The following PTPRR variants were observed in gnomAD, a reference collection of about 807,000 sequenced individuals.
The protein encoded by PTPRR is receptor-type tyrosine-protein phosphatase R.
PTPRR carries 38 observed loss-of-function variants against 77.2 expected under a neutral mutation model. That is an observed-to-expected ratio of 0.49 (90% CI 0.38 to 0.65). The LOEUF is 0.65. PTPRR is among the 30% of genes least tolerant of loss of function. The pLI, the probability that PTPRR is intolerant of heterozygous loss-of-function variation, is 0.00. For missense variants in PTPRR, 744 were observed against 799.2 expected, an observed-to-expected ratio of 0.93 and a Z score of 0.83; for synonymous variants, 299 against 283.1, an observed-to-expected ratio of 1.06 and a Z score of -0.57.
intron 5 of PTPRR, among the ~76,000 whole-genome samples, chr12:70,747,971 G>A (rs1324047339): frequency 1.3e-5 from 2 of 152,088 alleles, no homozygotes; most frequent in Admixed American, 1.3e-4. Context: ...AGTGTCTGGA[G>A]GTATTTTTGG....
intron 6 of PTPRR, among the ~76,000 whole-genome samples, chr12:70,717,095 C>T (rs1157488116): frequency 6.6e-6 from 1 of 152,152 alleles, no homozygotes; most frequent in Non-Finnish European, 1.5e-5. Context: ...CTCTAACATA[C>T]TATTCTTCCT....
chr12:70,838,981 T>A (rs1892350355), intron 2 of PTPRR, among the ~76,000 whole-genome samples: 1 of 152,168 alleles, frequency 6.6e-6, no homozygotes, highest in Admixed American at 6.5e-5. Context: ...CAGCTTGCTA[T>A]GGCTATGTAA....
intron 10 of PTPRR, among the ~76,000 whole-genome samples, chr12:70,667,081 G>A (rs1032787250): frequency 4.0e-5 from 6 of 150,406 alleles, no homozygotes; most frequent in Admixed American, 3.3e-4. Flanking sequence ...TCAGCCTCCC[G>A]AGTAGCTGGG....
At chr12:70,856,963 C>A (rs936130315) in intron 2 of PTPRR, among the ~76,000 whole-genome samples, 1 of 151,888 alleles carries the variant, frequency 6.6e-6, no homozygotes, top group Admixed American at 6.6e-5. Flanking sequence ...AAGATGTGGA[C>A]AAATATGTGT....
At chr12:70,807,186 C>T (rs552653971) in intron 2 of PTPRR, among the ~76,000 whole-genome samples, 16 of 152,276 alleles carry the variant, frequency 1.1e-4, no homozygotes, top group African/African-American at 3.8e-4. Context: ...AGCCAGAAGG[C>T]ACATGCAAAG....
intron 10 of PTPRR, chr12:70,672,050 G>T: frequency 7.6e-7 from 1 of 1,317,138 alleles, no homozygotes; most frequent in Non-Finnish European, 1.1e-6. Flanking sequence ...CTTGGGCCCA[G>T]AGATGGAGAA....
chr12:70,726,357 A>G (rs1889435533), intron 6 of PTPRR, among the ~76,000 whole-genome samples: 1 of 152,064 alleles, frequency 6.6e-6, no homozygotes, highest in South Asian at 2.1e-4. Flanking sequence ...CCTGTATTCT[A>G]TATTTATTGC....
intron 6 of PTPRR, among the ~76,000 whole-genome samples, chr12:70,710,508 T>C (rs1888786727): frequency 1.3e-5 from 2 of 151,940 alleles, no homozygotes; most frequent in South Asian, 2.1e-4. Flanking sequence ...CATTTCATGA[T>C]GAAGATGTCA....
At chr12:70,768,212 TAATG>T (rs1473582898) in intron 2 of PTPRR, among the ~76,000 whole-genome samples, 1 of 151,818 alleles carries the variant, frequency 6.6e-6, no homozygotes, top group African/African-American at 2.4e-5. Context: ...TTCAAAAAAT[TAATG>T]AATCCAGGAG....
intron 1 of PTPRR, among the ~76,000 whole-genome samples, chr12:70,912,409 G>T (rs1296144451): frequency 6.6e-6 from 1 of 152,128 alleles, no homozygotes; most frequent in Non-Finnish European, 1.5e-5. Context: ...AGAATCAGTA[G>T]TTTAGGACTG....
chr12:70,792,911 C>T (rs1297958495), intron 2 of PTPRR, among the ~76,000 whole-genome samples: 2 of 152,114 alleles, frequency 1.3e-5, no homozygotes, highest in Non-Finnish European at 2.9e-5. Context: ...TAGCAGAATT[C>T]TTTCCATTTA....
chr12:70,770,146 A>T (rs1280654379), intron 2 of PTPRR, among the ~76,000 whole-genome samples: 20 of 146,530 alleles, frequency 1.4e-4, no homozygotes, highest in African/African-American at 5.2e-4. Flanking sequence ...AACAAAAGAC[A>T]AAATTGACAA....
intron 2 of PTPRR, among the ~76,000 whole-genome samples, chr12:70,795,119 T>C (rs1891488915): frequency 1.3e-5 from 2 of 152,178 alleles, no homozygotes; most frequent in Non-Finnish European, 2.9e-5. Context: ...TTTAAAATCC[T>C]TTTGGGATGC....
chr12:70,722,790 A>G (rs1385862627), intron 6 of PTPRR, among the ~76,000 whole-genome samples: 1 of 152,150 alleles, frequency 6.6e-6, no homozygotes, highest in African/African-American at 2.4e-5. Flanking sequence ...TTCACAGTTC[A>G]TATCTGGAAT....
intron 6 of PTPRR, among the ~76,000 whole-genome samples, chr12:70,743,981 C>A (rs1379638824): frequency 6.6e-6 from 1 of 152,098 alleles, no homozygotes; most frequent in Non-Finnish European, 1.5e-5. Flanking sequence ...TATGACCCTT[C>A]ATTGTTATCT....
At chr12:70,827,862 A>G (rs554159805) in intron 2 of PTPRR, among the ~76,000 whole-genome samples, 1 of 150,820 alleles carries the variant, frequency 6.6e-6, no homozygotes, top group African/African-American at 2.4e-5. Flanking sequence ...CTGGGACTAC[A>G]GGCGCCCACC....
chr12:70,707,547 ATTGAGT>A (rs1405795118), intron 6 of PTPRR, among the ~76,000 whole-genome samples: 2 of 152,102 alleles, frequency 1.3e-5, no homozygotes, highest in Non-Finnish European at 2.9e-5. Flanking sequence ...ATTTTTGGAC[ATTGAGT>A]CATTTTCAAT....
At chr12:70,835,490 T>A in intron 2 of PTPRR, among the ~76,000 whole-genome samples, 1 of 152,138 alleles carries the variant, frequency 6.6e-6, no homozygotes, top group Admixed American at 6.6e-5. Context: ...ACCTATTAAG[T>A]ACATAGAAAG....
intron 6 of PTPRR, among the ~76,000 whole-genome samples, chr12:70,703,615 C>A (rs543881742): frequency 1.3e-5 from 2 of 152,294 alleles, no homozygotes; most frequent in African/African-American, 4.8e-5. Flanking sequence ...AAAATCCTTA[C>A]GGATTCTGAT....
Sources: allele counts gnomAD v4.1 joint callset (sites outside exome capture counted in the v4.1 genomes callset), GRCh38; gene constraint gnomAD v4.1.1; transcripts MANE v1.5; gene names NCBI Gene and HGNC (gene_info 2026-07-23, HGNC 2026-07-21).